PTPRT: variants seen among roughly 807,000 people sequenced by gnomAD.
The protein encoded by PTPRT is receptor-type tyrosine-protein phosphatase T.
In PTPRT, 56 loss-of-function variants were observed where a neutral mutation model predicts 176.8. The observed-to-expected ratio is 0.32, with a 90% CI of 0.26 to 0.40. The LOEUF is 0.40. Ranked by LOEUF, PTPRT falls within the 10% of genes least tolerant of loss-of-function variation. The probability of loss-of-function intolerance (pLI) is 1.00; values close to 1 mark genes in which losing one functional copy is unlikely to be tolerated. For synonymous variants in PTPRT, 783 were observed against 739.0 expected, an observed-to-expected ratio of 1.06 and a Z score of -0.96; for missense variants, 1,540 against 1,908.2, an observed-to-expected ratio of 0.81 and a Z score of 3.60.
At chr20:43,106,550 G>A (rs2012611072) in intron 1 of PTPRT, among the ~76,000 whole-genome samples, 2 of 151,532 alleles carry the variant, frequency 1.3e-5, no homozygotes, top group Non-Finnish European at 1.5e-5. Flanking sequence ...TCAGCTACTC[G>A]GGAGGCTGAG....
chr20:42,553,393 C>T (rs990724513), intron 7 of PTPRT, among the ~76,000 whole-genome samples: 7 of 152,024 alleles, frequency 4.6e-5, no homozygotes, highest in African/African-American at 1.7e-4. Context: ...CTTCCACTCA[C>T]ATTTACTTTC....
intron 9 of PTPRT, among the ~76,000 whole-genome samples, chr20:42,390,154 G>A (rs1246732983): frequency 6.6e-6 from 1 of 152,062 alleles, no homozygotes; most frequent in Non-Finnish European, 1.5e-5. Flanking sequence ...ATAATACTTG[G>A]CACATATTAG....
chr20:42,471,526 C>G (rs2071197657), intron 8 of PTPRT, among the ~76,000 whole-genome samples: 1 of 152,206 alleles, frequency 6.6e-6, no homozygotes, highest in South Asian at 2.1e-4. Flanking sequence ...TCCTCAGCCT[C>G]CCCAGAAGCC....
intron 12 of PTPRT, among the ~76,000 whole-genome samples, chr20:42,312,569 C>T (rs919295470): frequency 6.6e-6 from 1 of 152,130 alleles, no homozygotes; most frequent in Non-Finnish European, 1.5e-5. Flanking sequence ...GCCCAGCTCC[C>T]ATTGCTTTTC....
At chr20:42,112,090 C>T (rs1004695999) in intron 22 of PTPRT, among the ~76,000 whole-genome samples, 42 of 152,172 alleles carry the variant, frequency 2.8e-4, no homozygotes, top group African/African-American at 8.9e-4. Context: ...CTCAAAGGCA[C>T]TGGGAAGCTA....
chr20:42,770,746 C>G (rs2077050481), intron 5 of PTPRT, among the ~76,000 whole-genome samples: 1 of 152,186 alleles, frequency 6.6e-6, no homozygotes, highest in Admixed American at 6.5e-5. Flanking sequence ...TACCAAGAAC[C>G]TAAGCTATTC....
At chr20:42,334,304 G>C (rs1468878215) in intron 11 of PTPRT, among the ~76,000 whole-genome samples, 1 of 152,050 alleles carries the variant, frequency 6.6e-6, no homozygotes, top group Non-Finnish European at 1.5e-5. Context: ...CCTCCGACTT[G>C]TAATAAACAA....
chr20:42,643,781 C>T (rs549393248), intron 7 of PTPRT, among the ~76,000 whole-genome samples: 5 of 152,048 alleles, frequency 3.3e-5, no homozygotes, highest in Non-Finnish European at 7.3e-5. Flanking sequence ...GCTCCTCATA[C>T]CAAGCTGCTT....
rs557610296 is a variant in PTPRT, at chr20:42,683,614, T to C, written c.860-5455A>G. 1.1e-4 allele frequency among the ~76,000 whole-genome samples: 16 copies of C among 152,332 alleles called. No homozygotes were observed. In the South Asian group the frequency reaches 3.1e-3, roughly 30 times the overall value. On this transcript the variant is annotated intron_variant, in intron 6 of 30. Coordinates refer to ENST00000373187, the MANE Select transcript of PTPRT (RefSeq NM_007050.6). ...TTAACTAAACCATGCCTATTTTTCT[T>C]TTCAAAACTGCTTCATGACGACTTA...
At chr20:42,262,692 C>T (rs1055363676) in intron 13 of PTPRT, among the ~76,000 whole-genome samples, 2 of 152,154 alleles carry the variant, frequency 1.3e-5, no homozygotes, top group African/African-American at 2.4e-5. Context: ...CAGTCATCTG[C>T]TTATTTATTA....
chr20:42,955,452 C>T lies in PTPRT; in HGVS notation c.89-69520G>A, dbSNP rs149777991. Among the ~76,000 whole-genome samples, 101 of 152,332 alleles carry T rather than the reference C, an allele frequency of 6.6e-4. 1 individual carries two copies. Among genetic ancestry groups the T allele is most frequent in the African/African-American group, 2.3e-3 (94 of 41,588 alleles). ...CATTCTGGAAAGCACAGTTCAAGGA[C>T]AATGTCGGTTTGGTTCACCCTACTA... On this transcript the variant is annotated intron_variant, in intron 1 of 30. Coordinates refer to ENST00000373187, the MANE Select transcript of PTPRT (RefSeq NM_007050.6).
intron 12 of PTPRT, among the ~76,000 whole-genome samples, chr20:42,288,229 T>C (rs2057262908): frequency 1.3e-5 from 2 of 152,018 alleles, no homozygotes; most frequent in Non-Finnish European, 2.9e-5. Flanking sequence ...CCTCAGAAGT[T>C]TCCCTCATGC....
At chr20:42,603,227 G>A (rs1329738507) in intron 7 of PTPRT, among the ~76,000 whole-genome samples, 1 of 152,142 alleles carries the variant, frequency 6.6e-6, no homozygotes, top group East Asian at 1.9e-4. Context: ...TACGAGTGAT[G>A]TAGTAATGGT....
At position 42,168,059 on chromosome 20, in the gene PTPRT, AT is replaced by A. The variant is rs1472837707; in HGVS notation, c.2492-6518del. 3.0e-4 allele frequency among the ~76,000 whole-genome samples: 46 copies of A among 152,218 alleles called. 1 individual carries two copies. The highest frequency in any genetic ancestry group is 3.0e-3 in the Admixed American group (46 of 15,280). On this transcript the variant is annotated intron_variant, in intron 16 of 30. Coordinates refer to ENST00000373187, the MANE Select transcript of PTPRT (RefSeq NM_007050.6). ...AGTAAGCTAGAGAAAAGAAAATGTT[AT>A]TGAGAAAATCATAAGGAAGAGAAAA... is the stretch of plus-strand genomic sequence containing the variant.
chr20:43,152,586 A>G (rs747624640), intron 1 of PTPRT, among the ~76,000 whole-genome samples: 1 of 152,182 alleles, frequency 6.6e-6, no homozygotes, highest in Non-Finnish European at 1.5e-5. Context: ...GTAGCTACCT[A>G]ATAAACATTT....
intron 2 of PTPRT, among the ~76,000 whole-genome samples, chr20:42,841,152 G>T (rs1230631366): frequency 6.6e-6 from 1 of 152,144 alleles, no homozygotes; most frequent in African/African-American, 2.4e-5. Flanking sequence ...CCATCCAGCT[G>T]CAGGTTTGGT....
chr20:42,064,516 C>A, the PTPRT span, among the ~76,000 whole-genome samples: 1 of 152,164 alleles, frequency 6.6e-6, no homozygotes, highest in Non-Finnish European at 1.5e-5. Context: ...TGTAATTTTT[C>A]TTTTCCATTA....
chr20:43,170,474 T>A (rs577719574), intron 1 of PTPRT, among the ~76,000 whole-genome samples: 1 of 152,296 alleles, frequency 6.6e-6, no homozygotes, highest in African/African-American at 2.4e-5. Flanking sequence ...TCTCCAACAA[T>A]GGCTATAAGT....
At chr20:42,679,516 GA>G (rs1221448668) in intron 6 of PTPRT, among the ~76,000 whole-genome samples, 1 of 151,988 alleles carries the variant, frequency 6.6e-6, no homozygotes, top group African/African-American at 2.4e-5. Context: ...GAAAATGGAA[GA>G]AAGAGAAAAT....
Sources: allele counts gnomAD v4.1 joint callset (sites outside exome capture counted in the v4.1 genomes callset), GRCh38; gene constraint gnomAD v4.1.1; transcripts MANE v1.5; gene names NCBI Gene and HGNC (gene_info 2026-07-23, HGNC 2026-07-21).